Variants in RNF180 observed in about 807,000 individuals in gnomAD.
RNF180 encodes the protein ring finger protein 180.
In RNF180, 38 loss-of-function variants were observed where a neutral mutation model predicts 59.2. The ratio of observed to expected loss-of-function variants is 0.64; its 90% CI spans 0.50 to 0.84. The LOEUF is 0.84. Among genes scored for constraint, RNF180 ranks in the 40% least tolerant of loss-of-function variants. RNF180 has a pLI of 0.00. For missense variants in RNF180, 705 were observed against 700.9 expected, an observed-to-expected ratio of 1.01 and a Z score of -0.07; for synonymous variants, 262 against 240.3, an observed-to-expected ratio of 1.09 and a Z score of -0.84.
intron 1 of RNF180, among the ~76,000 whole-genome samples, chr5:64,188,600 TAAGA>T (rs1750982640): frequency 6.6e-6 from 1 of 152,220 alleles, no homozygotes; most frequent in Admixed American, 6.5e-5. Context: ...TCTTAAGTTT[TAAGA>T]AAGATATTGA....
chr5:64,173,097 T>C (rs1467022447), intron 1 of RNF180, among the ~76,000 whole-genome samples: 2 of 152,212 alleles, frequency 1.3e-5, no homozygotes, highest in African/African-American at 4.8e-5. Flanking sequence ...GTACAAAAAA[T>C]AGAATCATAT....
chr5:64,368,918 T>C (rs1746551112), intron 7 of RNF180, among the ~76,000 whole-genome samples: 1 of 152,050 alleles, frequency 6.6e-6, no homozygotes, highest in Non-Finnish European at 1.5e-5. Flanking sequence ...CTCAGGGATC[T>C]GGAACTAGAA....
chr5:64,308,695 AAT>A (rs1247455660), intron 5 of RNF180, among the ~76,000 whole-genome samples: 1 of 151,682 alleles, frequency 6.6e-6, no homozygotes, highest in Non-Finnish European at 1.5e-5. Flanking sequence ...TCAGAGTAAA[AAT>A]ATAAAGGGGG....
intron 5 of RNF180, among the ~76,000 whole-genome samples, chr5:64,279,954 G>A (rs1282141481): frequency 1.3e-5 from 2 of 152,138 alleles, no homozygotes; most frequent in African/African-American, 2.4e-5. Flanking sequence ...TTAGCCGGGC[G>A]TGGTGGTGCA....
At position 64,265,217 on chromosome 5, in the gene RNF180, G is replaced by A. The variant is rs550400568; in HGVS notation, c.1227+47821G>A. Among the ~76,000 whole-genome samples, 23 of 152,208 alleles carry A rather than the reference G, an allele frequency of 1.5e-4. 1 individual carries two copies. In the South Asian group the frequency reaches 4.6e-3, roughly 30 times the overall value. On this transcript the variant is annotated intron_variant, in intron 5 of 7. Coordinates refer to ENST00000389100, the MANE Select transcript of RNF180 (RefSeq NM_001113561.2). ...TGATAGTTTCCTTTAATGTGCAGAAGCTCTTTAGTTTAATTAGATCCCATT... is the reference window on the plus strand; with the variant it reads ...TGATAGTTTCCTTTAATGTGCAGAAACTCTTTAGTTTAATTAGATCCCATT...
chr5:64,215,113 C>T (rs894096877), intron 4 of RNF180, among the ~76,000 whole-genome samples: 5 of 152,082 alleles, frequency 3.3e-5, no homozygotes, highest in African/African-American at 4.8e-5. Context: ...TACTTCAGTA[C>T]CCATAGTAAT....
chr5:64,328,990 G>C (rs922597720), intron 6 of RNF180, among the ~76,000 whole-genome samples: 29 of 152,152 alleles, frequency 1.9e-4, no homozygotes, highest in Non-Finnish European at 2.1e-4. Context: ...GATATAAAGA[G>C]TTTCTACCGT....
chr5:64,275,120 T>G (rs1282915364), intron 5 of RNF180, among the ~76,000 whole-genome samples: 2 of 151,532 alleles, frequency 1.3e-5, no homozygotes, highest in South Asian at 2.1e-4. Context: ...TTATAAAAAT[T>G]TATGTTTCTT....
chr5:64,214,934 T>A (rs776448158), intron 4 of RNF180, among the ~76,000 whole-genome samples: 2 of 150,000 alleles, frequency 1.3e-5, no homozygotes, highest in Non-Finnish European at 3.0e-5. Flanking sequence ...ACAAAGTCAT[T>A]CACTTTTCAT....
At chr5:64,340,189 G>A (rs140570094) in intron 7 of RNF180, among the ~76,000 whole-genome samples, 1,632 of 152,158 alleles carry the variant, frequency 0.011, 18 homozygotes, top group Middle Eastern at 0.02. Context: ...TAGCAAAGAG[G>A]TTTCACTAAA....
At chr5:64,168,251 T>TTCTA (rs1431040870) in intron 1 of RNF180, among the ~76,000 whole-genome samples, 1 of 152,212 alleles carries the variant, frequency 6.6e-6, no homozygotes, top group African/African-American at 2.4e-5. Context: ...GCAGAATGAT[T>TTCTA]TCTACATGGT....
At chr5:64,211,604 C>T (rs960669333) in intron 2 of RNF180, among the ~76,000 whole-genome samples, 1 of 152,098 alleles carries the variant, frequency 6.6e-6, no homozygotes, top group Non-Finnish European at 1.5e-5. Context: ...GTAGTGTGTC[C>T]TGAATCCCAT....
intron 5 of RNF180, among the ~76,000 whole-genome samples, chr5:64,226,796 CTA>C (rs1177328882): frequency 1.3e-5 from 2 of 152,034 alleles, no homozygotes; most frequent in Non-Finnish European, 2.9e-5. Flanking sequence ...GGGTAAATAA[CTA>C]TTGAATTTGG....
At chr5:64,241,847 G>C (rs1480591108) in intron 5 of RNF180, among the ~76,000 whole-genome samples, 1 of 152,080 alleles carries the variant, frequency 6.6e-6, no homozygotes, top group Non-Finnish European at 1.5e-5. Flanking sequence ...TTTCCTGGGG[G>C]AAAAAGAGGG....
At chr5:64,301,131 G>A (rs1318191733) in intron 5 of RNF180, among the ~76,000 whole-genome samples, 1 of 151,664 alleles carries the variant, frequency 6.6e-6, no homozygotes, top group African/African-American at 2.4e-5. Context: ...TTGCTGAGTA[G>A]GAATAAATAA....
At chr5:64,260,738 C>A (rs1744289192) in intron 5 of RNF180, among the ~76,000 whole-genome samples, 1 of 152,112 alleles carries the variant, frequency 6.6e-6, no homozygotes, top group Non-Finnish European at 1.5e-5. Flanking sequence ...ATGAGATCTT[C>A]AGCTTTGTTT....
At chr5:64,365,441 T>C (rs1455681271) in intron 7 of RNF180, among the ~76,000 whole-genome samples, 2 of 151,734 alleles carry the variant, frequency 1.3e-5, no homozygotes, top group South Asian at 2.1e-4. Flanking sequence ...TTTTAGAGTA[T>C]ATGCCATGTG....
chr5:64,350,756 C>A (rs1476645124), intron 7 of RNF180, among the ~76,000 whole-genome samples: 3 of 151,988 alleles, frequency 2.0e-5, no homozygotes, highest in Admixed American at 2.0e-4. Context: ...CTGTTCTGTT[C>A]CATTGGTCTA....
At chr5:64,228,275 A>G (rs1741893228) in intron 5 of RNF180, among the ~76,000 whole-genome samples, 1 of 152,164 alleles carries the variant, frequency 6.6e-6, no homozygotes, top group African/African-American at 2.4e-5. Flanking sequence ...AGCCTTTGGG[A>G]GGCTGACGCA....
Sources: allele counts gnomAD v4.1 joint callset (sites outside exome capture counted in the v4.1 genomes callset), GRCh38; gene constraint gnomAD v4.1.1; transcripts MANE v1.5; gene names NCBI Gene and HGNC (gene_info 2026-07-23, HGNC 2026-07-21).